GRIA3: variants seen among roughly 807,000 people sequenced by gnomAD.
GRIA3 encodes the protein glutamate receptor 3.
A neutral mutation model predicts 63.0 loss-of-function variants in GRIA3; 3 were observed. That is an observed-to-expected ratio of 0.05 (90% CI 0.02 to 0.12). The LOEUF (loss-of-function observed/expected upper bound fraction) is 0.12. Among genes scored for constraint, GRIA3 ranks in the 10% least tolerant of loss-of-function variants. GRIA3 has a pLI of 1.00. For synonymous variants in GRIA3, 274 were observed against 257.9 expected, an observed-to-expected ratio of 1.06 and a Z score of -0.60; for missense variants, 347 against 700.9, an observed-to-expected ratio of 0.50 and a Z score of 5.70.
intron 3 of GRIA3, among the ~76,000 whole-genome samples, chrX:123,315,067 A>G (rs1300162211): frequency 1.8e-5 from 2 of 111,822 alleles, no homozygotes; most frequent in Non-Finnish European, 3.8e-5. Flanking sequence ...GAGAAGAAAA[A>G]GCACAAACAA....
chrX:123,439,968 C>A (rs1322053284), intron 12 of GRIA3, among the ~76,000 whole-genome samples: 1 of 111,121 alleles, frequency 9.0e-6, no homozygotes, highest in Non-Finnish European at 1.9e-5. Flanking sequence ...TCAAGTAGAC[C>A]CCAATGCCTG....
At chrX:123,370,511 C>T (rs987699348) in intron 5 of GRIA3, among the ~76,000 whole-genome samples, 1 of 111,495 alleles carries the variant, frequency 9.0e-6, no homozygotes, top group Non-Finnish European at 1.9e-5. Context: ...TTCCTTCACT[C>T]TGCCAACGAC....
chrX:123,379,319 C>A (rs1033701682), intron 5 of GRIA3, among the ~76,000 whole-genome samples: 1 of 111,622 alleles, frequency 9.0e-6, no homozygotes, highest in African/African-American at 3.3e-5. Flanking sequence ...AATATAAACA[C>A]CATGAGGGTT....
At chrX:123,184,795 G>A (rs1242192910) in intron 1 of GRIA3, 151 bp downstream of exon 1, 15 of 499,479 alleles carry the variant, frequency 3.0e-5, no homozygotes, top group South Asian at 2.1e-4. Flanking sequence ...CGGGGCGGGG[G>A]GCGGGGCGGG....
intron 2 of GRIA3, among the ~76,000 whole-genome samples, chrX:123,229,789 T>A (rs1006423310): frequency 1.8e-5 from 2 of 112,167 alleles, no homozygotes; most frequent in African/African-American, 6.5e-5. Context: ...TAAGTCATTG[T>A]AGCTTAACAG....
chrX:123,413,532 CAAAAAAAAAAAAAAAAAA>C (rs570201736), intron 10 of GRIA3, among the ~76,000 whole-genome samples: 625 of 15,854 alleles, frequency 0.039, 9 homozygotes, highest in African/African-American at 0.087. Flanking sequence ...CTCTCTCTGC[CAAAAAAAAAAAAAAAAAA>C]AAAAAAAAAA....
intron 2 of GRIA3, chrX:123,202,894 G>A: frequency 1.3e-6 from 1 of 781,000 alleles, no homozygotes; most frequent in Middle Eastern, 3.3e-4. Context: ...AGCTTGAAAG[G>A]AACAAATTCC....
At chrX:123,302,755 A>G (rs150918282) in intron 3 of GRIA3, among the ~76,000 whole-genome samples, 1 of 111,369 alleles carries the variant, frequency 9.0e-6, no homozygotes, top group Non-Finnish European at 1.9e-5. Flanking sequence ...GTGATCTTCT[A>G]ATACTGAAAC....
chrX:123,456,252 C>A (rs898779602), intron 12 of GRIA3, among the ~76,000 whole-genome samples: 2 of 111,475 alleles, frequency 1.8e-5, no homozygotes, highest in African/African-American at 6.5e-5. Flanking sequence ...ACCCACCTCA[C>A]AGGGCTGCTG....
At chrX:123,292,851 T>C (rs930486303) in intron 3 of GRIA3, among the ~76,000 whole-genome samples, 14 of 110,778 alleles carry the variant, frequency 1.3e-4, no homozygotes, top group African/African-American at 2.0e-4. Flanking sequence ...GAGAAGAAAA[T>C]TCATGCCCAC....
chrX:123,287,602 G>C (rs906194473), intron 3 of GRIA3, among the ~76,000 whole-genome samples: 1 of 111,579 alleles, frequency 9.0e-6, no homozygotes, highest in African/African-American at 3.3e-5. Flanking sequence ...AAAATTACAA[G>C]CATTCCTATA....
intron 2 of GRIA3, among the ~76,000 whole-genome samples, chrX:123,186,983 A>T (rs1453092758): frequency 8.9e-6 from 1 of 112,520 alleles, no homozygotes; most frequent in East Asian, 2.8e-4. Flanking sequence ...CGTGAGAAAG[A>T]CTGAGAATAC....
chrX:123,323,733 T>G lies in GRIA3; in HGVS notation c.509-2293T>G, dbSNP rs1389908228. ...TGGGGACTGGAATGGGGTGAGGGAT[T>G]AAACAAAGGGAGATAAAAGCAAATT... On this transcript the variant is annotated intron_variant, in intron 3 of 15. Coordinates refer to ENST00000620443, the MANE Select transcript of GRIA3 (RefSeq NM_007325.5). Among the ~76,000 whole-genome samples, 3 of 111,679 alleles carry G rather than the reference T, an allele frequency of 2.7e-5. No individual in the cohort carries two copies. In the Admixed American group the frequency reaches 2.9e-4, roughly 11 times the overall value.
chrX:123,197,621 G>A (rs756772293), intron 2 of GRIA3, among the ~76,000 whole-genome samples: 19 of 112,291 alleles, frequency 1.7e-4, no homozygotes, highest in Non-Finnish European at 3.0e-4. Flanking sequence ...CTGAGAAAAG[G>A]CCATCCAAAA....
intron 6 of GRIA3, among the ~76,000 whole-genome samples, chrX:123,397,197 T>C (rs2045419636): frequency 8.9e-6 from 1 of 111,932 alleles, no homozygotes; most frequent in Non-Finnish European, 1.9e-5. Flanking sequence ...TTTAAAAAAT[T>C]GAATATTTGA....
At chrX:123,480,520 A>C (rs1857208294) in intron 14 of GRIA3, among the ~76,000 whole-genome samples, 1 of 111,829 alleles carries the variant, frequency 8.9e-6, no homozygotes, top group South Asian at 3.7e-4. Context: ...CAACAACAAC[A>C]ACCAAAAAAA....
intron 3 of GRIA3, among the ~76,000 whole-genome samples, chrX:123,303,503 A>G (rs772912926): frequency 1.8e-5 from 2 of 111,407 alleles, no homozygotes; most frequent in Admixed American, 9.6e-5. Flanking sequence ...AAGGAAACAT[A>G]TATCTGTGAA....
At chrX:123,458,657 T>C (rs181861000) in intron 12 of GRIA3, among the ~76,000 whole-genome samples, 1 of 111,852 alleles carries the variant, frequency 8.9e-6, no homozygotes, top group South Asian at 3.7e-4. Flanking sequence ...TCCTATTTTA[T>C]CTCACAGGAA....
intron 5 of GRIA3, among the ~76,000 whole-genome samples, chrX:123,382,159 TCATC>T (rs1467926732): frequency 6.2e-5 from 7 of 112,211 alleles, no homozygotes. Flanking sequence ...ATCTTTCCTT[TCATC>T]TCCCTAAACA....
Sources: allele counts gnomAD v4.1 joint callset (sites outside exome capture counted in the v4.1 genomes callset), GRCh38; gene constraint gnomAD v4.1.1; transcripts MANE v1.5; gene names NCBI Gene and HGNC (gene_info 2026-07-23, HGNC 2026-07-21).